The following NSD1 variants were observed in gnomAD, a reference collection of about 807,000 sequenced individuals.
NSD1 encodes the protein histone-lysine N-methyltransferase, H3 lysine-36 specific.
Under a neutral mutation model 242.7 loss-of-function variants are expected in NSD1, and 26 were observed. The ratio of observed to expected loss-of-function variants is 0.11; its 90% CI spans 0.08 to 0.15. The LOEUF (loss-of-function observed/expected upper bound fraction) is 0.15. Among genes scored for constraint, NSD1 ranks in the 10% least tolerant of loss-of-function variants. The pLI is 1.00. For missense variants in NSD1, 2,495 were observed against 3,272.8 expected, an observed-to-expected ratio of 0.76 and a Z score of 5.80; for synonymous variants, 1,106 against 1,178.1, an observed-to-expected ratio of 0.94 and a Z score of 1.25.
chr5:177,285,399 TGAAA>T (rs1354441998), intron 20 of NSD1, among the ~76,000 whole-genome samples: 1 of 151,554 alleles, frequency 6.6e-6, no homozygotes, highest in Non-Finnish European at 1.5e-5. Flanking sequence ...CCATCTCTAC[TGAAA>T]ATACAAAAAA....
intron 4 of NSD1, among the ~76,000 whole-genome samples, chr5:177,205,890 C>T (rs1762832033): frequency 6.6e-6 from 1 of 152,156 alleles, no homozygotes; most frequent in South Asian, 2.1e-4. Flanking sequence ...GTTGCACAGT[C>T]ATCTTTTACT....
chr5:177,226,478 A>C (rs1400770547), intron 5 of NSD1, among the ~76,000 whole-genome samples: 1 of 152,188 alleles, frequency 6.6e-6, no homozygotes, highest in Admixed American at 6.5e-5. Flanking sequence ...ATAAATTGCT[A>C]TCGAGGTTTA....
chr5:177,186,390 AC>A (rs1310456198), intron 2 of NSD1, among the ~76,000 whole-genome samples: 17 of 152,012 alleles, frequency 1.1e-4, no homozygotes, highest in African/African-American at 3.6e-4. Context: ...ATAGCCAATG[AC>A]TATATTCAAT....
chr5:177,227,208 T>A (rs1337347746), intron 5 of NSD1, among the ~76,000 whole-genome samples: 1 of 152,164 alleles, frequency 6.6e-6, no homozygotes, highest in South Asian at 2.1e-4. Flanking sequence ...GTTTTGTAGA[T>A]GTTTGCAATT....
At position 177,238,220 on chromosome 5, in the gene NSD1, T is replaced by C. The variant is rs773666286; in HGVS notation, c.3922-17T>C. The C allele has an allele frequency of 1.1e-5, 17 of 1,614,074 alleles. No individual in the cohort carries two copies. The highest frequency in any genetic ancestry group is 1.4e-5 in the Non-Finnish European group (16 of 1,180,038). Reference sequence around the variant, plus strand: ...CAATTTTGGCCTGTGGACTCTATTTTTATTTTTTGTTCTTAGGTAAGTTCC... The same window carrying C: ...CAATTTTGGCCTGTGGACTCTATTTCTATTTTTTGTTCTTAGGTAAGTTCC... On this transcript the variant is annotated splice_polypyrimidine_tract_variant and intron_variant, in intron 6 of 22. Coordinates refer to ENST00000439151, the MANE Select transcript of NSD1 (RefSeq NM_022455.5). The surrounding 1 kb of genome is among the most constrained non-coding windows in gnomAD (Gnocchi z 4.6).
upstream of NSD1, among the ~76,000 whole-genome samples, chr5:177,132,716 G>A (rs1016802227): frequency 6.6e-6 from 1 of 152,048 alleles, no homozygotes; most frequent in Non-Finnish European, 1.5e-5. This position sits in a 1 kb window ranked among gnomAD's most constrained non-coding sequence, Gnocchi z 7.5. Context: ...CGGAGGCCAC[G>A]GCCGGGCGAG....
At chr5:177,231,023 T>G (rs1765013309) in intron 5 of NSD1, among the ~76,000 whole-genome samples, 1 of 152,110 alleles carries the variant, frequency 6.6e-6, no homozygotes, top group Admixed American at 6.6e-5. Context: ...TGAGAGACTT[T>G]GGGATGGAAT....
chr5:177,189,504 TATA>T (rs1478536742), intron 2 of NSD1, among the ~76,000 whole-genome samples: 1 of 152,206 alleles, frequency 6.6e-6, no homozygotes, highest in Non-Finnish European at 1.5e-5. Flanking sequence ...TCATAAAGCA[TATA>T]ATAATAATGA....
At chr5:177,197,430 G>T (rs1451006586) in intron 3 of NSD1, among the ~76,000 whole-genome samples, 1 of 152,174 alleles carries the variant, frequency 6.6e-6, no homozygotes, top group Non-Finnish European at 1.5e-5. Context: ...AGACCATCCT[G>T]GCTAACAAGG....
At position 177,296,460 on chromosome 5, in the gene NSD1, ATC is replaced by A. The variant is rs1481057471; in HGVS notation, c.*1005_*1006del. The A allele has an allele frequency of 4.3e-6, 1 of 233,164 alleles. No homozygotes were observed. The highest frequency in any genetic ancestry group is 2.2e-5 in the African/African-American group (1 of 45,316). The allele number at this position is 233,164 out of a possible 1,614,324, so 14.4% of individuals were successfully genotyped here. Reference sequence around the variant, plus strand: ...GAGCCTCGGGCAGTGGACATAGGGAATCTCTGGCAAGCTCTGAGCTAGACACA... The same window carrying A: ...GAGCCTCGGGCAGTGGACATAGGGAATCTGGCAAGCTCTGAGCTAGACACA... On this transcript the variant is annotated 3_prime_UTR_variant, in exon 23 of 23. Transcript: ENST00000439151.
Position 177,210,033 on chromosome 5 carries a change from C to G in NSD1, c.1634C>G (p.Thr545Arg), listed in dbSNP as rs137993153. Reference protein sequence around the residue: ...LNFISGDISDTQASNELSRIA... With the variant: ...LNFISGDISDRQASNELSRIA... ...TTTATCTCTGGGGATATATCTGATACGCAGGCCTCTAATGAACTTTCCAGG... is the reference window on the plus strand; with the variant it reads ...TTTATCTCTGGGGATATATCTGATAGGCAGGCCTCTAATGAACTTTCCAGG... Residue 545 changes from threonine to arginine, a missense_variant, in exon 5 of 23, where the codon ACG (threonine) becomes AGG (arginine). Transcript: ENST00000439151. 6.2e-7 allele frequency: 1 copy of G among 1,613,926 alleles called. No individual in the cohort carries two copies. Among genetic ancestry groups the G allele is most frequent in the African/African-American group, 1.3e-5 (1 of 74,868 alleles).
chr5:177,273,650 C>T (rs1758123569), intron 16 of NSD1, 22 bp from the exon 17 acceptor site: 2 of 1,543,340 alleles, frequency 1.3e-6, no homozygotes, highest in Admixed American at 1.7e-5. Context: ...TTTGAAGTGA[C>T]TTGTGCTGTC....
intron 14 of NSD1, chr5:177,266,057 T>TTAC: frequency 9.2e-7 from 1 of 1,092,284 alleles, no homozygotes; most frequent in Non-Finnish European, 1.4e-6. Context: ...CCAGTGGATC[T>TTAC]TGTAGTCTTT....
At chr5:177,164,134 A>G (rs538296778) in intron 2 of NSD1, among the ~76,000 whole-genome samples, 2 of 148,486 alleles carry the variant, frequency 1.3e-5, no homozygotes, top group South Asian at 4.3e-4. Context: ...CCTGTTCTTC[A>G]CAGGAAAATG....
At position 177,141,319 on chromosome 5, in the gene NSD1, C is replaced by CTTTT. The variant is rs567992731; in HGVS notation, c.927+5315_927+5318dup. Among the ~76,000 whole-genome samples the CTTTT allele has an allele frequency of 8.2e-4, 80 of 97,028 alleles. 9 individuals are homozygous for CTTTT. The highest frequency in any genetic ancestry group is 4.5e-3 in the African/African-American group (77 of 17,004). 63.7% of individuals were successfully genotyped at this position (97,028 alleles called of 152,430 possible). On this transcript the variant is annotated intron_variant, in intron 2 of 22. Coordinates refer to ENST00000439151, the MANE Select transcript of NSD1 (RefSeq NM_022455.5). ...ACAGGCGTGAGCCACCGCGCGCAGCCTTTTTTTTTTTTTTTTTTTTTTTTT... is the reference window on the plus strand; with the variant it reads ...ACAGGCGTGAGCCACCGCGCGCAGCCTTTTTTTTTTTTTTTTTTTTTTTTTTTTT...
rs748597598 is a variant in NSD1 at position 177,294,048 on chromosome 5, C to T, written c.6680C>T (p.Pro2227Leu). The T allele has an allele frequency of 2.1e-5, 34 of 1,613,922 alleles. No homozygotes were observed. In the Admixed American group the frequency reaches 4.3e-4, roughly 21 times the overall value. The change falls in exon 23 of 23, where the codon CCG becomes CTG. Residue 2227 changes from proline to leucine, a missense_variant. Physicochemically the swap from Pro to Leu is moderately conservative, Grantham distance 98. Transcript: ENST00000439151. ...CGTGAGTATGTGCCTCCCCCAGTAC[C>T]GCTGCCTCCAGGGCCAAGCACTCAC... ...EIREYVPPPV[P>L]LPPGPSTHLA...
At chr5:177,181,900 C>T (rs1260041157) in intron 2 of NSD1, among the ~76,000 whole-genome samples, 1 of 151,846 alleles carries the variant, frequency 6.6e-6, no homozygotes, top group African/African-American at 2.4e-5. Flanking sequence ...CGCCTGTAAT[C>T]CCAGCACTTT....
chr5:177,191,237 T>G lies in NSD1; in HGVS notation c.928-647T>G, dbSNP rs189798405. Among the ~76,000 whole-genome samples the G allele has an allele frequency of 9.2e-4, 140 of 152,292 alleles. No individual in the cohort carries two copies. In the East Asian group the frequency reaches 0.023, roughly 25 times the overall value. ...CACCTGCCTCGGCCTCCCAAAGTGCTGGGATTACAGGCATGAGCCACTGTG... is the reference window on the plus strand; with the variant it reads ...CACCTGCCTCGGCCTCCCAAAGTGCGGGGATTACAGGCATGAGCCACTGTG... On this transcript the variant is annotated intron_variant, in intron 2 of 22. Coordinates refer to ENST00000439151, the MANE Select transcript of NSD1 (RefSeq NM_022455.5).
chr5:177,280,877 GTTGC>G, intron 18 of NSD1, 43 bp downstream of exon 18: 1 of 1,594,974 alleles, frequency 6.3e-7, no homozygotes, highest in Non-Finnish European at 8.6e-7. Context: ...CCTCTTTGCA[GTTGC>G]TTGATATCAT....
Sources: allele counts gnomAD v4.1 joint callset (sites outside exome capture counted in the v4.1 genomes callset), GRCh38; gene constraint gnomAD v4.1.1; non-coding constraint Gnocchi (gnomAD v3.1); transcripts MANE v1.5; gene names NCBI Gene and HGNC (gene_info 2026-07-23, HGNC 2026-07-21).